SORCS3: variants seen among roughly 807,000 people sequenced by gnomAD.
SORCS3 encodes VPS10 domain-containing receptor SorCS3.
In SORCS3, 57 loss-of-function variants were observed where a neutral mutation model predicts 146.3. The ratio of observed to expected loss-of-function variants is 0.39; its 90% CI spans 0.31 to 0.49. The LOEUF (loss-of-function observed/expected upper bound fraction) is 0.49, where lower values mean the gene tolerates loss of function less well. SORCS3 is among the 20% of genes least tolerant of loss of function. SORCS3 has a pLI of 0.92. For synonymous variants in SORCS3, 653 were observed against 618.5 expected, an observed-to-expected ratio of 1.06 and a Z score of -0.83; for missense variants, 1,341 against 1,575.5, an observed-to-expected ratio of 0.85 and a Z score of 2.52.
chr10:104,995,199 G>A (rs113720389), intron 4 of SORCS3, among the ~76,000 whole-genome samples: 11,981 of 135,582 alleles, frequency 0.088, 574 homozygotes, highest in Middle Eastern at 0.11. Flanking sequence ...TTGCTCTGTC[G>A]TCCAGGCTGG....
At chr10:104,994,216 T>C (rs2055010461) in intron 4 of SORCS3, among the ~76,000 whole-genome samples, 1 of 152,182 alleles carries the variant, frequency 6.6e-6, no homozygotes, top group Non-Finnish European at 1.5e-5. Flanking sequence ...ATCAAATAAG[T>C]AACTGATGGC....
intron 3 of SORCS3, among the ~76,000 whole-genome samples, chr10:104,970,990 A>G (rs1041936461): frequency 6.6e-6 from 1 of 152,228 alleles, no homozygotes; most frequent in Non-Finnish European, 1.5e-5. Flanking sequence ...AAGATAAGAA[A>G]AACTCTAAGA....
At chr10:104,670,460 A>G (rs997307965) in intron 1 of SORCS3, among the ~76,000 whole-genome samples, 7 of 152,088 alleles carry the variant, frequency 4.6e-5, no homozygotes, top group African/African-American at 1.4e-4. Context: ...TTCCCCATTG[A>G]ATTGTCTTTG....
At chr10:104,939,556 C>T (rs950681603) in intron 3 of SORCS3, among the ~76,000 whole-genome samples, 11 of 152,166 alleles carry the variant, frequency 7.2e-5, no homozygotes, top group African/African-American at 2.2e-4. Flanking sequence ...AACTCCTGAA[C>T]ACTGGAGCTT....
At position 105,241,444 on chromosome 10, in the gene SORCS3, C is replaced by T. The variant is rs553072059; in HGVS notation, c.2869-4098C>T. On this transcript the variant is annotated intron_variant, in intron 20 of 26. Coordinates refer to ENST00000369701, the MANE Select transcript of SORCS3 (RefSeq NM_014978.3). ...AGTGCACCTTTAGCTCTACCATCTGCGGACAGTGGCATGTTAGCAGCTCAG... is the reference window on the plus strand; with the variant it reads ...AGTGCACCTTTAGCTCTACCATCTGTGGACAGTGGCATGTTAGCAGCTCAG... Among the ~76,000 whole-genome samples the T allele has an allele frequency of 5.9e-5, 9 of 152,328 alleles. No homozygotes were observed. The East Asian group carries it at 1.2e-3, about 20-fold the overall frequency.
chr10:104,781,683 C>A (rs1456146092), intron 1 of SORCS3, among the ~76,000 whole-genome samples: 1 of 152,212 alleles, frequency 6.6e-6, no homozygotes, highest in African/African-American at 2.4e-5. Context: ...TTTACTGTAT[C>A]ATTGTGCCTT....
intron 1 of SORCS3, among the ~76,000 whole-genome samples, chr10:104,710,836 C>T (rs1024854165): frequency 2.0e-5 from 3 of 152,132 alleles, no homozygotes; most frequent in Non-Finnish European, 4.4e-5. Context: ...GACAGCATCA[C>T]CATAAAAAGG....
intron 22 of SORCS3, among the ~76,000 whole-genome samples, chr10:105,251,364 A>C (rs1274844062): frequency 6.6e-6 from 1 of 152,114 alleles, no homozygotes; most frequent in Non-Finnish European, 1.5e-5. Flanking sequence ...TCCTCCCTCA[A>C]CACCTGGGGA....
At chr10:105,099,618 C>G (rs791112) in intron 6 of SORCS3, among the ~76,000 whole-genome samples, 24,147 of 152,064 alleles carry the variant, frequency 0.16, 2,119 homozygotes, top group Middle Eastern at 0.2. Flanking sequence ...AGAGGTGATC[C>G]TTTTGGAAAG....
intron 3 of SORCS3, among the ~76,000 whole-genome samples, chr10:104,963,416 C>A (rs1303555236): frequency 6.6e-6 from 1 of 152,168 alleles, no homozygotes; most frequent in Non-Finnish European, 1.5e-5. Context: ...CACAGCTGGA[C>A]ACTCTTCCCT....
At chr10:105,037,188 T>G (rs955418934) in intron 4 of SORCS3, among the ~76,000 whole-genome samples, 1 of 152,162 alleles carries the variant, frequency 6.6e-6, no homozygotes, top group Admixed American at 6.6e-5. Flanking sequence ...AATGAGGGTT[T>G]AACTTCCAGC....
chr10:104,732,747 A>G (rs1291278659), intron 1 of SORCS3, among the ~76,000 whole-genome samples: 2 of 152,146 alleles, frequency 1.3e-5, no homozygotes, highest in Admixed American at 1.3e-4. Context: ...ACAGGCAGGG[A>G]TGGGAAAGGG....
chr10:105,136,705 T>C (rs1164468425), intron 7 of SORCS3, among the ~76,000 whole-genome samples: 2 of 152,074 alleles, frequency 1.3e-5, no homozygotes, highest in Non-Finnish European at 2.9e-5. Flanking sequence ...AATGCATCAG[T>C]TGGATTTTGG....
rs138070379 is a variant in SORCS3 at position 105,069,604 on chromosome 10, C to T, written c.1029-20171C>T. On this transcript the variant is annotated intron_variant, in intron 5 of 26. Coordinates refer to ENST00000369701, the MANE Select transcript of SORCS3 (RefSeq NM_014978.3). ...TCCTTCAGACAGTGCTTGGCTCTGC[C>T]ACGCTCAGCTGGAGTCAACTTCACT... Among the ~76,000 whole-genome samples, 11 of 152,318 alleles carry T rather than the reference C, an allele frequency of 7.2e-5. No homozygotes were observed. In the East Asian group the frequency reaches 2.1e-3, roughly 29 times the overall value.
intron 1 of SORCS3, among the ~76,000 whole-genome samples, chr10:104,755,422 G>A (rs1450974194): frequency 6.6e-6 from 1 of 152,090 alleles, no homozygotes; most frequent in Non-Finnish European, 1.5e-5. Flanking sequence ...TTAACATTAA[G>A]GAATTTAAAA....
intron 4 of SORCS3, among the ~76,000 whole-genome samples, chr10:105,030,240 C>T (rs1419826561): frequency 6.6e-6 from 1 of 152,216 alleles, no homozygotes; most frequent in Non-Finnish European, 1.5e-5. Flanking sequence ...TTTCTGGTCT[C>T]AGCGAGATTC....
intron 2 of SORCS3, among the ~76,000 whole-genome samples, chr10:104,915,274 C>T (rs891940376): frequency 6.6e-6 from 1 of 151,990 alleles, no homozygotes; most frequent in Non-Finnish European, 1.5e-5. Flanking sequence ...CTGTGTAAAG[C>T]ATCCAACCCT....
chr10:104,790,331 G>A (rs1369985667), intron 1 of SORCS3, among the ~76,000 whole-genome samples: 1 of 147,572 alleles, frequency 6.8e-6, no homozygotes, highest in East Asian at 1.9e-4. Context: ...AAGAGAAGAG[G>A]GGAAACAAAA....
intron 7 of SORCS3, among the ~76,000 whole-genome samples, chr10:105,110,577 C>T (rs1333466511): frequency 6.6e-6 from 1 of 152,042 alleles, no homozygotes; most frequent in Admixed American, 6.6e-5. Context: ...AAGAATCCTT[C>T]TTGGTTCTCA....
Sources: gnomAD v4.1 joint callset for allele counts (sites outside exome capture counted in the v4.1 genomes callset) on GRCh38, gnomAD v4.1.1 for gene constraint, MANE v1.5 for transcripts, NCBI Gene and HGNC (gene_info 2026-07-23, HGNC 2026-07-21) for gene names.